GFRAL: variants seen among roughly 807,000 people sequenced by gnomAD.
GFRAL encodes GDNF family receptor alpha like.
GFRAL carries 36 observed loss-of-function variants against 45.4 expected under a neutral mutation model. The ratio of observed to expected loss-of-function variants is 0.79; its 90% CI spans 0.61 to 1.05. GFRAL has a LOEUF of 1.05. GFRAL is among the 50% of genes least tolerant of loss of function. GFRAL has a pLI of 0.00. For missense variants in GFRAL, 507 were observed against 467.5 expected (o/e 1.08, Z -0.78); for synonymous variants, 166 against 154.1 (o/e 1.08, Z -0.57).
rs769048075 is a variant in GFRAL at position 55,399,213 on chromosome 6, C to A, written c.986C>A (p.Ala329Glu). 1.9e-6 allele frequency: 3 copies of A among 1,603,450 alleles called. No individual in the cohort carries two copies. In the South Asian group the frequency reaches 3.3e-5, roughly 18 times the overall value. The change falls in exon 7 of 9, where the codon GCA (alanine) becomes GAA (glutamate). Residue 329 changes from alanine to glutamate, a missense_variant. Coordinates refer to ENST00000340465, the MANE Select transcript of GFRAL (RefSeq NM_207410.2). ...YPTLSNVKGM[A>E]LYTRKHANKI... ...ACCCTGTCTAATGTCAAAGGCATGG[C>A]ATTGTATACAAGAAAACATGCAAAC... is the stretch of plus-strand genomic sequence containing the variant.
chr6:55,373,102 A>C (rs1768474024), intron 6 of GFRAL, among the ~76,000 whole-genome samples: 2 of 151,586 alleles, frequency 1.3e-5, no homozygotes, highest in South Asian at 4.2e-4. Flanking sequence ...AAAAAAAAAA[A>C]CTTCTATTCA....
At chr6:55,335,852 AACTGT>A (rs1767883238) in intron 3 of GFRAL, among the ~76,000 whole-genome samples, 1 of 152,000 alleles carries the variant, frequency 6.6e-6, no homozygotes, top group Non-Finnish European at 1.5e-5. Context: ...TGATTCCATT[AACTGT>A]TACTTGAAAA....
At chr6:55,355,667 C>A (rs995425777) in intron 5 of GFRAL, among the ~76,000 whole-genome samples, 3 of 151,904 alleles carry the variant, frequency 2.0e-5, no homozygotes, top group African/African-American at 7.2e-5. Flanking sequence ...ATATAATCTG[C>A]AAACAAATTT....
intron 5 of GFRAL, among the ~76,000 whole-genome samples, chr6:55,352,528 T>C (rs1768131347): frequency 1.3e-5 from 2 of 152,186 alleles, no homozygotes; most frequent in African/African-American, 4.8e-5. Context: ...GCTGCTGAAG[T>C]CCTACTCTCT....
intron 6 of GFRAL, among the ~76,000 whole-genome samples, chr6:55,368,865 T>A (rs189751305): frequency 2.6e-5 from 4 of 152,068 alleles, no homozygotes; most frequent in African/African-American, 9.7e-5. Flanking sequence ...CAGGGACATT[T>A]AAGTCTGCAG....
At chr6:55,334,985 A>G (rs1767873696) in intron 3 of GFRAL, among the ~76,000 whole-genome samples, 2 of 152,204 alleles carry the variant, frequency 1.3e-5, no homozygotes, top group Non-Finnish European at 2.9e-5. Flanking sequence ...TAAGGCTGCT[A>G]TAAATATTCA....
At chr6:55,378,705 A>T (rs1431980474) in intron 6 of GFRAL, among the ~76,000 whole-genome samples, 1 of 151,644 alleles carries the variant, frequency 6.6e-6, no homozygotes, top group Non-Finnish European at 1.5e-5. Context: ...GTTTTTTTTA[A>T]TCCCTTTGAC....
intron 3 of GFRAL, among the ~76,000 whole-genome samples, chr6:55,340,930 C>A (rs147385249): frequency 6.6e-6 from 1 of 152,158 alleles, no homozygotes; most frequent in Admixed American, 6.5e-5. Flanking sequence ...TCATTCCTAG[C>A]GCAGCAGTCT....
In GFRAL at chr6:55,333,891, A is replaced by T. The variant is rs759877817; in HGVS notation, c.263A>T (p.Asp88Val). 20 of 1,609,364 alleles carry T rather than the reference A, an allele frequency of 1.2e-5. No individual in the cohort carries two copies. In the African/African-American group the frequency reaches 2.5e-4, roughly 20 times the overall value. Residue 88 changes from aspartate (D) to valine (V), a missense_variant, in exon 3 of 9, where the codon GAC becomes GTC. Asp to Val is a radical substitution (Grantham distance 152). Coordinates refer to ENST00000340465, the MANE Select transcript of GFRAL (RefSeq NM_207410.2). ...TTTAAAGAGTGTCTTTGCACTGATGACTTCTATTGTACTGTGAACAAACTG... is the reference window on the plus strand; with the variant it reads ...TTTAAAGAGTGTCTTTGCACTGATGTCTTCTATTGTACTGTGAACAAACTG... Reference protein sequence around the residue: ...FQFKECLCTDDFYCTVNKLLG... With the variant: ...FQFKECLCTDVFYCTVNKLLG...
intron 6 of GFRAL, among the ~76,000 whole-genome samples, chr6:55,364,052 C>G (rs1455398707): frequency 4.2e-5 from 6 of 143,832 alleles, no homozygotes; most frequent in Non-Finnish European, 7.6e-5. Context: ...ACTGTCCCAC[C>G]AACAGTGTAA....
At chr6:55,398,998 A>T (rs1414457693) in intron 6 of GFRAL, among the ~76,000 whole-genome samples, 182 bp from the exon 7 acceptor site, 1 of 152,126 alleles carries the variant, frequency 6.6e-6, no homozygotes. Flanking sequence ...TTACCTGATT[A>T]AAAGGGGAAA....
intron 6 of GFRAL, among the ~76,000 whole-genome samples, chr6:55,395,175 A>AAAAAAAAATAT: frequency 8.1e-6 from 1 of 123,512 alleles, no homozygotes; most frequent in African/African-American, 3.5e-5. Flanking sequence ...AAAAAAAAAA[A>AAAAAAAAATAT]ATATATATAT....
At chr6:55,375,057 G>T (rs1012160361) in intron 6 of GFRAL, among the ~76,000 whole-genome samples, 4 of 152,088 alleles carry the variant, frequency 2.6e-5, no homozygotes, top group African/African-American at 9.7e-5. Context: ...TGGGTAGCGT[G>T]ATACCTCCAG....
At chr6:55,342,219 T>C (rs1020296680) in intron 3 of GFRAL, among the ~76,000 whole-genome samples, 5 of 152,068 alleles carry the variant, frequency 3.3e-5, no homozygotes, top group Admixed American at 1.3e-4. Context: ...AGACACATAA[T>C]TGTCAGATTC....
chr6:55,350,241 C>A (rs563816295), intron 4 of GFRAL, 96 bp downstream of exon 4: 4 of 716,374 alleles, frequency 5.6e-6, no homozygotes, highest in Non-Finnish European at 9.9e-6. Context: ...CAATACAGAA[C>A]AAATCATGTG....
intron 6 of GFRAL, among the ~76,000 whole-genome samples, chr6:55,392,097 T>C (rs1220881521): frequency 6.6e-6 from 1 of 152,202 alleles, no homozygotes; most frequent in Non-Finnish European, 1.5e-5. Flanking sequence ...TGCTCTCCCT[T>C]CTTCCTACTT....
intron 1 of GFRAL, among the ~76,000 whole-genome samples, chr6:55,331,089 A>T (rs975420537): frequency 2.0e-5 from 3 of 152,162 alleles, no homozygotes; most frequent in African/African-American, 7.2e-5. Flanking sequence ...GAACGCTGGA[A>T]ATACTGAGAT....
rs188624864 is a variant in GFRAL, at chr6:55,333,950, A to G, written c.316+6A>G. ...AAAATGTATCAATAAATCAGGTAAT[A>G]TTTTGTTTTAAGAAATGTTTATAGT... On this transcript the variant is annotated splice_donor_region_variant and intron_variant, in intron 3 of 8. Transcript: ENST00000340465. 8.0e-6 allele frequency: 12 copies of G among 1,505,042 alleles called. No individual in the cohort carries two copies. In the Admixed American group the frequency reaches 2.4e-4, roughly 30 times the overall value. The allele number at this position is 1,505,042 out of a possible 1,614,324, so 93.2% of individuals were successfully genotyped here.
chr6:55,401,953 C>A lies in GFRAL; in HGVS notation c.*100C>A. 2 of 676,406 alleles carry A rather than the reference C, an allele frequency of 3.0e-6. No individual in the cohort carries two copies. The highest frequency in any genetic ancestry group is 2.9e-5 in the East Asian group (1 of 34,380). The allele number at this position is 676,406 out of a possible 1,614,324, so 41.9% of individuals were successfully genotyped here. ...TCCTCTCCTCTCTTCTCCTCTCCTC[C>A]CCTCCCCTCTCTGTTTCTTTTTCTT... On this transcript the variant is annotated 3_prime_UTR_variant, in exon 9 of 9. Transcript: ENST00000340465.
Sources: gnomAD v4.1 joint callset for allele counts (sites outside exome capture counted in the v4.1 genomes callset) on GRCh38, gnomAD v4.1.1 for gene constraint, MANE v1.5 for transcripts, NCBI Gene and HGNC (gene_info 2026-07-23, HGNC 2026-07-21) for gene names.